PRKCD: variants seen among roughly 807,000 people sequenced by gnomAD.
PRKCD encodes the protein protein kinase C delta type.
PRKCD carries 20 observed loss-of-function variants against 82.2 expected under a neutral mutation model. The observed-to-expected ratio is 0.24, with a 90% CI of 0.17 to 0.35. PRKCD has a LOEUF of 0.35. Ranked by LOEUF, PRKCD falls within the 10% of genes least tolerant of loss-of-function variation. PRKCD has a pLI of 1.00. For synonymous variants in PRKCD, 317 were observed against 337.0 expected (o/e 0.94, Z 0.65); for missense variants, 607 against 899.0 (o/e 0.68, Z 4.15).
chr3:53,179,640 A>T lies in PRKCD; in HGVS notation c.179A>T (p.Asp60Val). 1 of 1,614,132 alleles carries T rather than the reference A, an allele frequency of 6.2e-7. No individual in the cohort carries two copies. Among genetic ancestry groups the T allele is most frequent in the Non-Finnish European group, 8.5e-7 (1 of 1,180,018 alleles). Residue 60 changes from aspartate (D) to valine (V), a missense_variant, in exon 4 of 19, where the codon GAT (aspartate) becomes GTT (valine). By Grantham distance (152) the Asp-to-Val change is radical. Around this residue, in one of 5 missense-constraint regions of PRKCD, gnomAD observed 161 missense variants for 227.0 expected, o/e 0.71. Coordinates refer to ENST00000330452, the MANE Select transcript of PRKCD (RefSeq NM_006254.4). ...TMYPEWKSTF[D>V]AHIYEGRVIQ... is the part of the protein sequence containing the mutation. ...TATCCTGAGTGGAAGTCGACGTTCGATGCCCACATCTATGAGGGGCGCGTC... is the reference window on the plus strand; with the variant it reads ...TATCCTGAGTGGAAGTCGACGTTCGTTGCCCACATCTATGAGGGGCGCGTC...
chr3:53,179,826 G>A lies in PRKCD; in HGVS notation c.315+50G>A, dbSNP rs1259206345. ...TGTGTGTGTGTGTGTGTGTCTGTGT[G>A]TGTGTGCATGCGTGCATGTGTGTGC... On this transcript the variant is annotated intron_variant, in intron 4 of 18. Coordinates refer to ENST00000330452, the MANE Select transcript of PRKCD (RefSeq NM_006254.4). The A allele has an allele frequency of 2.6e-6, 4 of 1,530,780 alleles. No homozygotes were observed. In the African/African-American group the frequency reaches 4.1e-5, roughly 16 times the overall value. 94.8% of individuals were successfully genotyped at this position (1,530,780 alleles called of 1,614,324 possible).
rs782585539 is a variant in PRKCD, at chr3:53,189,260, GCTGGGCTGGGCTGGT to G, written c.1743+29_1743+43del. On this transcript the variant is annotated intron_variant, in intron 17 of 18. Transcript: ENST00000330452. ...ATCCTGGAGAAGGTGGAGGCCCTGG[GCTGGGCTGGGCTGGT>G]CTGGGCTGGGCTGGGGCAGGGGCTG... 4.0e-5 allele frequency: 58 copies of G among 1,445,190 alleles called. No homozygotes were observed. In the East Asian group the frequency reaches 4.5e-4, roughly 11 times the overall value. 89.5% of individuals were successfully genotyped at this position (1,445,190 alleles called of 1,614,324 possible).
intron 10 of PRKCD, 113 bp from the exon 11 acceptor site, chr3:53,185,489 CCT>C (rs1703639475): frequency 1.2e-6 from 1 of 844,154 alleles, no homozygotes; most frequent in African/African-American, 1.7e-5. Context: ...GGGCTGTGCC[CCT>C]GTTGTCTCCT....
Position 53,183,488 on chromosome 3 carries a change from C to A in PRKCD, c.694C>A (p.Arg232Ser). Reference sequence around the variant, plus strand: ...ACGCTTCAACATCGACATGCCGCACCGCTTCAAGGTTCACAACTACATGAG... The same window carrying A: ...ACGCTTCAACATCGACATGCCGCACAGCTTCAAGGTTCACAACTACATGAG... ...KERFNIDMPH[R>S]FKVHNYMSPT... The change falls in exon 9 of 19, where the codon CGC becomes AGC. Residue 232 changes from arginine (R) to serine (S), a missense_variant. Physicochemically the swap from Arg to Ser is moderately radical, Grantham distance 110. Around this residue, in one of 5 missense-constraint regions of PRKCD, gnomAD observed 109 missense variants for 155.6 expected, o/e 0.70. Transcript: ENST00000330452. The A allele has an allele frequency of 3.1e-6, 5 of 1,614,232 alleles. No individual in the cohort carries two copies. Among genetic ancestry groups the A allele is most frequent in the Non-Finnish European group, 4.2e-6 (5 of 1,180,038 alleles).
intron 10 of PRKCD, 130 bp from the exon 11 acceptor site, chr3:53,185,474 G>T (rs1484717470): frequency 5.3e-6 from 4 of 750,006 alleles, no homozygotes; most frequent in South Asian, 4.9e-5. Flanking sequence ...CCGAGTAGGG[G>T]GCCTGGGCTG....
At chr3:53,189,348 G>C in intron 17 of PRKCD, 102 bp downstream of exon 17, 1 of 1,260,534 alleles carries the variant, frequency 7.9e-7, no homozygotes, top group East Asian at 2.5e-5. Context: ...TGGAATGGCA[G>C]CCTCAGTGGT....
In PRKCD at chr3:53,179,551, A is replaced by G. The variant is rs782498282; in HGVS notation, c.116-26A>G. 9.3e-6 allele frequency: 15 copies of G among 1,613,870 alleles called. No homozygotes were observed. In the South Asian group the frequency reaches 1.6e-4, roughly 18 times the overall value. On this transcript the variant is annotated intron_variant, in intron 3 of 18. Transcript: ENST00000330452. Reference sequence around the variant, plus strand: ...GGAGGGACAGAGGGGCCATGGCCCAACCTTCTCTGCCTGGCCTTGTTGCAG... The same window carrying G: ...GGAGGGACAGAGGGGCCATGGCCCAGCCTTCTCTGCCTGGCCTTGTTGCAG...
rs1703805068 is a variant in PRKCD, at chr3:53,188,708, C to T, written c.1416-12C>T. 1.2e-6 allele frequency: 2 copies of T among 1,614,132 alleles called. No individual in the cohort carries two copies. The highest frequency in any genetic ancestry group is 1.7e-6 in the Non-Finnish European group (2 of 1,179,968). On this transcript the variant is annotated splice_polypyrimidine_tract_variant and intron_variant, in intron 15 of 18. Coordinates refer to ENST00000330452, the MANE Select transcript of PRKCD (RefSeq NM_006254.4). The stretch of plus-strand genomic sequence containing the variant: ...TGTCCCCTGCTGACTCTTACCTGTC[C>T]CCTGTCCTTAGGGACCTCAAACTGG...
chr3:53,192,037 G>T, intron 18 of PRKCD, 71 bp from the exon 19 acceptor site: 1 of 1,526,908 alleles, frequency 6.5e-7, no homozygotes, highest in South Asian at 1.1e-5. Flanking sequence ...GCCCTGCAGG[G>T]ACTCCAGCCT....
At chr3:53,182,676 C>T (rs13084863) in intron 7 of PRKCD, among the ~76,000 whole-genome samples, 73,347 of 152,062 alleles carry the variant, frequency 0.48, 18,959 homozygotes, top group East Asian at 0.85. Flanking sequence ...CTGGTAGCCG[C>T]TCTGTGTAAG....
At chr3:53,190,849 G>A (rs750033899) in intron 18 of PRKCD, among the ~76,000 whole-genome samples, 2 of 152,322 alleles carry the variant, frequency 1.3e-5, no homozygotes, top group South Asian at 2.1e-4. Flanking sequence ...AAACTCAGAC[G>A]TGTCCTGGCT....
Position 53,186,699 on chromosome 3 carries a change from C to T in PRKCD, c.1352+4C>T, listed in dbSNP as rs202155309. 2.6e-4 allele frequency: 413 copies of T among 1,611,602 alleles called. No homozygotes were observed. Among genetic ancestry groups the T allele is most frequent in the Non-Finnish European group, 3.1e-4 (370 of 1,178,088 alleles). On this transcript the variant is annotated splice_donor_region_variant and intron_variant, in intron 14 of 18. Coordinates refer to ENST00000330452, the MANE Select transcript of PRKCD (RefSeq NM_006254.4). ...GCTTTGAACTCTACCGTGCCACGTACGTAAGGGCCATGGTGGGGAAGGGCC... is the reference window on the plus strand; with the variant it reads ...GCTTTGAACTCTACCGTGCCACGTATGTAAGGGCCATGGTGGGGAAGGGCC...
intron 17 of PRKCD, among the ~76,000 whole-genome samples, 169 bp downstream of exon 17, chr3:53,189,415 T>A (rs1553670310): frequency 1.3e-5 from 2 of 152,162 alleles, no homozygotes; most frequent in Non-Finnish European, 2.9e-5. Context: ...GGAACTCCTG[T>A]CTGAGTCCTG....
chr3:53,167,146 T>G (rs564906120), intron 2 of PRKCD, among the ~76,000 whole-genome samples: 1 of 152,222 alleles, frequency 6.6e-6, no homozygotes, highest in African/African-American at 2.4e-5. Flanking sequence ...GGAGGCTTAC[T>G]TCCTCTGAGC....
Position 53,169,274 on chromosome 3 carries a change from C to T in PRKCD, c.-20+4059C>T, listed in dbSNP as rs76215329. Among the ~76,000 whole-genome samples the T allele has an allele frequency of 0.047, 7,185 of 152,088 alleles. 223 individuals carry two copies. The highest frequency in any genetic ancestry group is 0.1 in the Middle Eastern group (30 of 294). ...GAAGCCAGGGAGGCAGGTGGGGCCACAAGCCTGAAGTTCAGGAGGGTCTGG... is the reference window on the plus strand; with the variant it reads ...GAAGCCAGGGAGGCAGGTGGGGCCATAAGCCTGAAGTTCAGGAGGGTCTGG... On this transcript the variant is annotated intron_variant, in intron 2 of 18. Coordinates refer to ENST00000330452, the MANE Select transcript of PRKCD (RefSeq NM_006254.4). This position sits in a 1 kb window ranked among gnomAD's most constrained non-coding sequence, Gnocchi z 4.7.
intron 8 of PRKCD, 122 bp downstream of exon 8, chr3:53,183,328 C>A (rs1389211706): frequency 1.5e-5 from 23 of 1,551,210 alleles, no homozygotes; most frequent in Non-Finnish European, 1.9e-5. Flanking sequence ...CTTAGTCTTT[C>A]CTTGCCTCTC....
At chr3:53,166,349 G>A (rs782463384) in intron 2 of PRKCD, among the ~76,000 whole-genome samples, 2 of 152,190 alleles carry the variant, frequency 1.3e-5, no homozygotes, top group Non-Finnish European at 2.9e-5. Flanking sequence ...AGCCCTTTCC[G>A]TCACTCAGCC....
intron 7 of PRKCD, chr3:53,182,019 A>C (rs2107264420): frequency 1.6e-6 from 1 of 607,552 alleles, no homozygotes; most frequent in Middle Eastern, 4.1e-4. Context: ...CAGGCCATGC[A>C]CCAGGCCTCT....
chr3:53,161,509 T>C (rs1431015379), intron 1 of PRKCD, 81 bp downstream of exon 1: 2 of 151,322 alleles, frequency 1.3e-5, no homozygotes, highest in Non-Finnish European at 3.0e-5. Flanking sequence ...CCCGCCCCAG[T>C]TCCCGTTTCC....
Sources: gnomAD v4.1 joint callset for allele counts (sites outside exome capture counted in the v4.1 genomes callset) on GRCh38, gnomAD v4.1.1 for gene constraint, gnomAD v4.1.1 regional missense constraint, Gnocchi (gnomAD v3.1) non-coding constraint, MANE v1.5 for transcripts, NCBI Gene and HGNC (gene_info 2026-07-23, HGNC 2026-07-21) for gene names.